The following FBXO38 variants were observed in gnomAD, a reference collection of about 807,000 sequenced individuals.
FBXO38 encodes the protein F-box protein 38, also known as F-box only protein 38.
Under a neutral mutation model 131.9 loss-of-function variants are expected in FBXO38, and 53 were observed. The ratio of observed to expected loss-of-function variants is 0.40; its 90% CI spans 0.32 to 0.51. The LOEUF (loss-of-function observed/expected upper bound fraction) is 0.51, where lower values mean the gene tolerates loss of function less well. Among genes scored for constraint, FBXO38 ranks in the 20% least tolerant of loss-of-function variants. The pLI is 0.53. For synonymous variants in FBXO38, 452 were observed against 505.6 expected, an observed-to-expected ratio of 0.89 and a Z score of 1.42; for missense variants, 1,076 against 1,475.6, an observed-to-expected ratio of 0.73 and a Z score of 4.44.
chr5:148,393,162 G>A (rs1346765423), intron 1 of FBXO38, among the ~76,000 whole-genome samples: 4 of 149,076 alleles, frequency 2.7e-5, no homozygotes, highest in East Asian at 4.0e-4. Flanking sequence ...TTCTCAGGCC[G>A]TACTGGTTAG....
chr5:148,428,327 G>A (rs11957594), intron 15 of FBXO38, among the ~76,000 whole-genome samples: 9,993 of 152,242 alleles, frequency 0.066, 1,105 homozygotes, highest in African/African-American at 0.23. Flanking sequence ...TGACGTTGCT[G>A]GGGCTGGGGG....
At chr5:148,419,143 G>T (rs139124643) in intron 12 of FBXO38, among the ~76,000 whole-genome samples, 1 of 152,290 alleles carries the variant, frequency 6.6e-6, no homozygotes, top group Admixed American at 6.5e-5. Flanking sequence ...AATACATAAT[G>T]TATAAAGCAT....
intron 13 of FBXO38, among the ~76,000 whole-genome samples, chr5:148,424,341 T>A (rs903320349): frequency 3.3e-5 from 5 of 152,236 alleles, no homozygotes; most frequent in Non-Finnish European, 7.4e-5. Context: ...CTGCTTTTTC[T>A]TTATAGCCAC....
intron 5 of FBXO38, 33 bp downstream of exon 5, chr5:148,402,546 C>A: frequency 6.8e-7 from 1 of 1,468,154 alleles, no homozygotes; most frequent in Non-Finnish European, 9.2e-7. Context: ...ACTTGTAACT[C>A]CTTGAAATGC....
intron 2 of FBXO38, among the ~76,000 whole-genome samples, chr5:148,396,477 AT>A (rs1758486580): frequency 6.6e-6 from 1 of 152,208 alleles, no homozygotes; most frequent in Admixed American, 6.5e-5. Context: ...GGAGAAAAAA[AT>A]AAAAGCACAT....
chr5:148,438,519 C>T (rs1449573398), intron 18 of FBXO38, 21 bp downstream of exon 18: 21 of 1,604,586 alleles, frequency 1.3e-5, no homozygotes, highest in Non-Finnish European at 1.8e-5. Flanking sequence ...TTGCTTCTTT[C>T]CGATGATACA....
intron 15 of FBXO38, among the ~76,000 whole-genome samples, chr5:148,428,879 A>G (rs1460563358): frequency 6.6e-6 from 1 of 152,250 alleles, no homozygotes; most frequent in African/African-American, 2.4e-5. Context: ...TTTTATTTGA[A>G]GACTTTTTTA....
chr5:148,441,932 A>T (rs1226636349), intron 21 of FBXO38, 37 bp from the exon 22 acceptor site: 1 of 1,565,500 alleles, frequency 6.4e-7, no homozygotes, highest in Non-Finnish European at 8.7e-7. Flanking sequence ...GATTCTGATT[A>T]TCATATGTAT....
rs1449002421 is a variant in FBXO38 at position 148,416,926 on chromosome 5, G to T, written c.1408-68G>T. 7 of 848,352 alleles carry T rather than the reference G, an allele frequency of 8.3e-6. No homozygotes were observed. In the African/African-American group the frequency reaches 1.2e-4, roughly 14 times the overall value. The allele number at this position is 848,352 out of a possible 1,614,324, so 52.6% of individuals were successfully genotyped here. A position where few individuals can be genotyped will look rare whatever the true frequency, so the allele number is the denominator to read the frequency against. The stretch of plus-strand genomic sequence containing the variant: ...TTATAATGTAAAGGTGAAATGAAGG[G>T]ATATTAAAAATGAAGGGATATATAC... On this transcript the variant is annotated intron_variant, in intron 11 of 21. Coordinates refer to ENST00000340253, the MANE Select transcript of FBXO38 (RefSeq NM_205836.3).
intron 12 of FBXO38, among the ~76,000 whole-genome samples, chr5:148,423,254 G>A (rs1003184386): frequency 6.6e-6 from 1 of 152,156 alleles, no homozygotes; most frequent in Non-Finnish European, 1.5e-5. Flanking sequence ...AGTTCCTGTA[G>A]TGCAGTAGGC....
intron 8 of FBXO38, 97 bp downstream of exon 8, chr5:148,409,314 G>A (rs1271243278): frequency 3.9e-6 from 3 of 773,638 alleles, no homozygotes; most frequent in Non-Finnish European, 6.9e-6. Context: ...ATATATGTGT[G>A]TACATTTGAT....
intron 2 of FBXO38, among the ~76,000 whole-genome samples, chr5:148,395,939 A>C (rs755420929): frequency 1.3e-5 from 2 of 152,134 alleles, no homozygotes; most frequent in Admixed American, 6.5e-5. Flanking sequence ...TAGGTAGTTT[A>C]CCTATGAAAA....
chr5:148,385,696 G>C (rs1757878071), intron 1 of FBXO38, among the ~76,000 whole-genome samples: 1 of 152,186 alleles, frequency 6.6e-6, no homozygotes, highest in South Asian at 2.1e-4. Context: ...CTTTAGACAA[G>C]AGAGGCTGTC....
At chr5:148,435,305 T>G (rs1754282621) in intron 17 of FBXO38, among the ~76,000 whole-genome samples, 1 of 152,188 alleles carries the variant, frequency 6.6e-6, no homozygotes, top group Non-Finnish European at 1.5e-5. Context: ...TAAGGCTGTT[T>G]TGCTTTCTTA....
intron 15 of FBXO38, among the ~76,000 whole-genome samples, chr5:148,429,728 G>A (rs548553317): frequency 4.6e-4 from 70 of 152,068 alleles, no homozygotes; most frequent in African/African-American, 1.5e-3. Context: ...AAATTTTACC[G>A]TTTTTTGTTG....
chr5:148,412,245 T>C (rs1296577764), intron 9 of FBXO38, among the ~76,000 whole-genome samples: 10 of 152,190 alleles, frequency 6.6e-5, no homozygotes, highest in Non-Finnish European at 1.3e-4. Flanking sequence ...ATATGCATAC[T>C]ATCTTCTGTC....
At chr5:148,395,437 A>C (rs1758430417) in intron 2 of FBXO38, among the ~76,000 whole-genome samples, 1 of 151,272 alleles carries the variant, frequency 6.6e-6, no homozygotes, top group African/African-American at 2.4e-5. Flanking sequence ...CTTCTAAAAA[A>C]ATTATATTTT....
At chr5:148,395,884 A>G (rs907166959) in intron 2 of FBXO38, among the ~76,000 whole-genome samples, 6 of 151,954 alleles carry the variant, frequency 3.9e-5, no homozygotes, top group Admixed American at 2.6e-4. Context: ...TTCTGCAATT[A>G]TGGTTGCAAT....
At position 148,442,157 on chromosome 5, in the gene FBXO38, C is replaced by T. The variant is rs770917548; in HGVS notation, c.*10C>T. The T allele has an allele frequency of 1.9e-6, 3 of 1,611,582 alleles. No homozygotes were observed. The highest frequency in any genetic ancestry group is 2.5e-6 in the Non-Finnish European group (3 of 1,178,114). ...AGATGACTACATTTAATTGGTCCCT[C>T]CTCCTTTCCAGCTATTTTGTCAGAA... On this transcript the variant is annotated 3_prime_UTR_variant, in exon 22 of 22. Transcript: ENST00000340253.
Sources: gnomAD v4.1 joint callset for allele counts (sites outside exome capture counted in the v4.1 genomes callset) on GRCh38, gnomAD v4.1.1 for gene constraint, MANE v1.5 for transcripts, NCBI Gene and HGNC (gene_info 2026-07-23, HGNC 2026-07-21) for gene names.